Variants in PMM2 observed in about 807,000 individuals in gnomAD.
The protein encoded by PMM2 is phosphomannomutase 2.
A neutral mutation model predicts 33.2 loss-of-function variants in PMM2; 35 were observed. That is an observed-to-expected ratio of 1.06 (90% CI 0.81 to 1.40). PMM2 has a LOEUF of 1.40. Ranked by LOEUF, PMM2 falls within the 40% of genes most tolerant of loss-of-function variation. The pLI is 0.00. For missense variants in PMM2, 386 were observed against 306.0 expected (o/e 1.26, Z -1.95); for synonymous variants, 153 against 114.7 (o/e 1.33, Z -2.13).
chr16:8,815,242 C>T (rs1283324118), intron 7 of PMM2, among the ~76,000 whole-genome samples: 1 of 138,680 alleles, frequency 7.2e-6, no homozygotes, highest in African/African-American at 2.7e-5. Flanking sequence ...TTTCTTGAGG[C>T]AGAATCTCGC....
In PMM2 at chr16:8,801,790, G is replaced by C. The variant is rs2060617908; in HGVS notation, c.67-9G>C. 6.3e-7 allele frequency: 1 copy of C among 1,576,448 alleles called. No homozygotes were observed. The highest frequency in any genetic ancestry group is 1.4e-5 in the African/African-American group (1 of 73,364). ...TTATGACTGTTGTATTTTCTTTCTT[G>C]AAATTTAGAAAATTACCAAAGAAAT... On this transcript the variant is annotated splice_polypyrimidine_tract_variant and intron_variant, in intron 1 of 7. Transcript: ENST00000268261.
rs34742119 is a variant in PMM2 at position 8,811,020 on chromosome 16, T to TG, written c.348-59_348-58insG. 315 of 989,080 alleles carry TG rather than the reference T, an allele frequency of 3.2e-4. 2 individuals are homozygous for TG. The East Asian group carries it at 8.1e-3, about 25-fold the overall frequency. 61.3% of individuals were successfully genotyped at this position (989,080 alleles called of 1,614,324 possible). A position where few individuals can be genotyped will look rare whatever the true frequency, so the allele number is the denominator to read the frequency against. On this transcript the variant is annotated intron_variant, in intron 4 of 7. Transcript: ENST00000268261. ...TTCCCAAGATTTTAGGCTGTTTATCTATGTTGCCCAAATGAATAACGTGTT... is the reference window on the plus strand; with the variant it reads ...TTCCCAAGATTTTAGGCTGTTTATCTGATGTTGCCCAAATGAATAACGTGTT...
intron 4 of PMM2, chr16:8,809,785 C>CTTTGTTT (rs2060668103): frequency 6.6e-6 from 1 of 151,778 alleles, no homozygotes. Flanking sequence ...GAAAAAAACT[C>CTTTGTTT]TTTGTTTTTT....
At chr16:8,827,222 A>C (rs1358474877) in intron 7 of PMM2, among the ~76,000 whole-genome samples, 1 of 151,964 alleles carries the variant, frequency 6.6e-6, no homozygotes, top group Non-Finnish European at 1.5e-5. Flanking sequence ...CCCAGCTGTC[A>C]GAAAGTACCT....
chr16:8,831,576 A>G (rs1312421896), intron 7 of PMM2, among the ~76,000 whole-genome samples: 1 of 152,206 alleles, frequency 6.6e-6, no homozygotes, highest in Non-Finnish European at 1.5e-5. Flanking sequence ...CAGAGAGTCC[A>G]TCTGTGCTAT....
At chr16:8,831,113 T>C (rs909297735) in intron 7 of PMM2, among the ~76,000 whole-genome samples, 3 of 152,128 alleles carry the variant, frequency 2.0e-5, no homozygotes, top group Admixed American at 2.0e-4. Flanking sequence ...CACTCCACCT[T>C]GGTGACAGAG....
intron 7 of PMM2, among the ~76,000 whole-genome samples, chr16:8,833,784 T>C (rs1389824489): frequency 6.6e-6 from 1 of 152,102 alleles, no homozygotes; most frequent in Admixed American, 6.6e-5. Context: ...ATAAAAGGTC[T>C]AAGAATTGGG....
intron 7 of PMM2, chr16:8,833,079 T>C (rs1394936294): frequency 5.0e-6 from 1 of 201,268 alleles, no homozygotes; most frequent in Non-Finnish European, 8.8e-6. Flanking sequence ...CCAAACGGGC[T>C]TTGTGTGAGC....
chr16:8,806,577 G>A, intron 4 of PMM2, 170 bp downstream of exon 4: 1 of 644,364 alleles, frequency 1.6e-6, no homozygotes, highest in South Asian at 1.7e-5. Context: ...AAGCCTGAGA[G>A]CCGAGCTTGG....
intron 7 of PMM2, among the ~76,000 whole-genome samples, chr16:8,820,126 G>C (rs2060729469): frequency 6.6e-6 from 1 of 152,230 alleles, no homozygotes; most frequent in Non-Finnish European, 1.5e-5. Flanking sequence ...GAACCCGGGA[G>C]GCGGAGGTTG....
At chr16:8,803,808 G>T (rs761675102) in intron 2 of PMM2, among the ~76,000 whole-genome samples, 4 of 151,058 alleles carry the variant, frequency 2.6e-5, no homozygotes, top group Non-Finnish European at 5.9e-5. Flanking sequence ...CTCAGCCTCC[G>T]AAGTAGCTGG....
intron 2 of PMM2, chr16:8,802,344 G>C: frequency 2.2e-6 from 1 of 455,378 alleles, no homozygotes; most frequent in Non-Finnish European, 4.4e-6. Flanking sequence ...CCCTTCACTG[G>C]AGAGTCTGAC....
chr16:8,811,838 T>C, intron 6 of PMM2, 125 bp downstream of exon 6: 1 of 743,294 alleles, frequency 1.3e-6, no homozygotes, highest in East Asian at 2.6e-5. Context: ...AAATGAGCAG[T>C]CCAGTCTATA....
intron 7 of PMM2, among the ~76,000 whole-genome samples, chr16:8,830,020 ATGATGGGGCTACAGACAGATACCCTG>A (rs1164508482): frequency 6.6e-6 from 1 of 152,118 alleles, no homozygotes; most frequent in East Asian, 1.9e-4. Context: ...CAGACACCCA[ATGATGGGGCTACAGACAGATACCCTG>A]TGATGGGGCT....
In PMM2 at chr16:8,811,731, T is replaced by A; in HGVS notation, c.523+18T>A. The A allele has an allele frequency of 6.4e-7, 1 of 1,563,348 alleles. No homozygotes were observed. Among genetic ancestry groups the A allele is most frequent in the South Asian group, 1.1e-5 (1 of 90,060 alleles). ...TTCCATAGGTATTGTATATATTGCC[T>A]GTGTTCCAAACTTGGATACCCATTT... is the stretch of plus-strand genomic sequence containing the variant. On this transcript the variant is annotated intron_variant, in intron 6 of 7. Transcript: ENST00000268261.
intron 1 of PMM2, among the ~76,000 whole-genome samples, chr16:8,801,414 T>A (rs1345635515): frequency 6.6e-6 from 1 of 152,224 alleles, no homozygotes; most frequent in East Asian, 1.9e-4. Context: ...CTTATACCTG[T>A]AATCTCAGCA....
At chr16:8,837,488 G>A (rs1345865765) in intron 7 of PMM2, among the ~76,000 whole-genome samples, 1 of 151,814 alleles carries the variant, frequency 6.6e-6, no homozygotes, top group African/African-American at 2.4e-5. Context: ...TAGTGAAGGA[G>A]GTAAGCCCAG....
chr16:8,841,326 C>T (rs948410488), intron 7 of PMM2, among the ~76,000 whole-genome samples: 1 of 151,044 alleles, frequency 6.6e-6, no homozygotes, highest in Non-Finnish European at 1.5e-5. Context: ...GAAATGACTG[C>T]GGTGGCCTTC....
chr16:8,842,274 C>T (rs1283753314), intron 7 of PMM2: 1 of 152,324 alleles, frequency 6.6e-6, no homozygotes, highest in East Asian at 1.9e-4. Context: ...GAGGGGGATA[C>T]CTGATATCCT....
Sources: allele counts gnomAD v4.1 joint callset (sites outside exome capture counted in the v4.1 genomes callset), GRCh38; gene constraint gnomAD v4.1.1; transcripts MANE v1.5; gene names NCBI Gene and HGNC (gene_info 2026-07-23, HGNC 2026-07-21).